PC: variants seen among roughly 807,000 people sequenced by gnomAD.
The protein encoded by PC is pyruvate carboxylase, mitochondrial.
Under a neutral mutation model 107.8 loss-of-function variants are expected in PC, and 46 were observed. That is an observed-to-expected ratio of 0.43 (90% CI 0.34 to 0.55). The LOEUF (loss-of-function observed/expected upper bound fraction) is 0.55, where lower values mean the gene tolerates loss of function less well. Ranked by LOEUF, PC falls within the 20% of genes least tolerant of loss-of-function variation. PC has a pLI of 0.04. For synonymous variants in PC, 662 were observed against 684.7 expected (o/e 0.97, Z 0.52); for missense variants, 1,241 against 1,643.1 (o/e 0.76, Z 4.23).
intron 3 of PC, among the ~76,000 whole-genome samples, chr11:66,878,055 C>T (rs568786661): frequency 6.6e-6 from 1 of 152,266 alleles, no homozygotes; most frequent in Admixed American, 6.5e-5. Flanking sequence ...AAGAGCTCCG[C>T]AGGAAAAGGC....
intron 12 of PC, among the ~76,000 whole-genome samples, chr11:66,854,146 A>G (rs542682411): frequency 6.6e-6 from 1 of 152,322 alleles, no homozygotes; most frequent in African/African-American, 2.4e-5. Context: ...AAGCCAGAGG[A>G]TTCGACCACG....
At chr11:66,933,114 C>T (rs947209929) in intron 3 of PC, among the ~76,000 whole-genome samples, 1 of 152,064 alleles carries the variant, frequency 6.6e-6, no homozygotes, top group African/African-American at 2.4e-5. Context: ...CCACCTATCC[C>T]GCCCTGGAAG....
intron 3 of PC, among the ~76,000 whole-genome samples, chr11:66,898,157 G>A (rs1303806926): frequency 1.3e-5 from 2 of 152,136 alleles, no homozygotes; most frequent in Admixed American, 6.6e-5. Flanking sequence ...TGGAGCTGGG[G>A]TCCTCCCATG....
chr11:66,873,464 TATATATAATATA>T (rs1229435183), intron 3 of PC, among the ~76,000 whole-genome samples: 2 of 83,332 alleles, frequency 2.4e-5, no homozygotes, highest in East Asian at 2.9e-4. Flanking sequence ...AAATATATAT[TATATATAATATA>T]ATATATAATA....
chr11:66,936,346 A>G (rs34469991), intron 3 of PC, among the ~76,000 whole-genome samples: 5,976 of 152,258 alleles, frequency 0.039, 160 homozygotes, highest in Non-Finnish European at 0.063. Context: ...TATTATCAAG[A>G]ACAGAACATC....
chr11:66,852,805 C>G lies in PC; in HGVS notation c.1545G>C (p.Pro515=). ...GGCTGGGGCTGGCCTTGACGGGAAT[C>G]GGGGTGGTTGGACCGTTTACCATGA... is the stretch of plus-strand genomic sequence containing the variant. ...GHVMVNGPTT[P]IPVKASPSPT... is the part of the protein sequence containing the mutation. The change falls in exon 14 of 23, where the codon CCG becomes CCC. Residue 515 remains proline (P), a synonymous_variant. Transcript: ENST00000393960. The surrounding 1 kb of genome is among the most constrained non-coding windows in gnomAD (Gnocchi z 4.7). 1 of 1,583,598 alleles carries G rather than the reference C, an allele frequency of 6.3e-7. No homozygotes were observed.
chr11:66,884,393 C>A (rs947772714), intron 3 of PC, among the ~76,000 whole-genome samples: 12 of 151,758 alleles, frequency 7.9e-5, no homozygotes, highest in African/African-American at 2.9e-4. Flanking sequence ...GCCTGGGCAA[C>A]AGAGCAAGAC....
intron 11 of PC, among the ~76,000 whole-genome samples, chr11:66,865,066 G>A (rs1034089807): frequency 1.3e-5 from 2 of 152,258 alleles, no homozygotes; most frequent in Non-Finnish European, 2.9e-5. Context: ...AAGTGGGGAT[G>A]GAGGGAGGCA....
Position 66,858,402 on chromosome 11 carries a change from G to T in PC, c.1369-5019C>A. 1 of 1,560,200 alleles carries T rather than the reference G, an allele frequency of 6.4e-7. No individual in the cohort carries two copies. On this transcript the variant is annotated intron_variant, in intron 12 of 22. Coordinates refer to ENST00000393960, the MANE Select transcript of PC (RefSeq NM_001040716.2). This position sits in a 1 kb window ranked among gnomAD's most constrained non-coding sequence, Gnocchi z 5.9. ...CCCGCTTTTCTCTCGTGGGCGTGAT[G>T]CAGAGGCCTCTCCCGCCCCCCTGGT...
At position 66,849,103 on chromosome 11, in the gene PC, C is replaced by T. The variant is rs759110508; in HGVS notation, c.3333G>A (p.Gln1111=). The change falls in exon 23 of 23, where the codon CAG becomes CAA. Residue 1111 remains glutamine (Q), a synonymous_variant. Transcript: ENST00000393960. ...HPKALKDVKG[Q]IGAPMPGKVI... The stretch of plus-strand genomic sequence containing the variant: ...CCTTCCCAGGCATGGGCGCCCCGAT[C>T]TGGCCCTTCACGTCCTTTAGGGCCT... The T allele has an allele frequency of 6.2e-7, 1 of 1,614,160 alleles. No homozygotes were observed. Among genetic ancestry groups the T allele is most frequent in the Non-Finnish European group, 8.5e-7 (1 of 1,180,046 alleles).
In PC at chr11:66,942,503, T is replaced by C. The variant is rs145136010; in HGVS notation, c.-1+9927A>G. Among the ~76,000 whole-genome samples the C allele has an allele frequency of 4.0e-3, 611 of 152,084 alleles. 4 individuals carry two copies. Among genetic ancestry groups the C allele is most frequent in the African/African-American group, 0.014 (586 of 41,480 alleles). The stretch of plus-strand genomic sequence containing the variant: ...CAGTCACAAAAAGACAAATACCGTA[T>C]GATTCCATTTATATGAGGTGCCTAG... On this transcript the variant is annotated intron_variant, in intron 3 of 22. Transcript: ENST00000393960.
At chr11:66,939,382 A>AG (rs11393123) in intron 3 of PC, among the ~76,000 whole-genome samples, 65,865 of 151,826 alleles carry the variant, frequency 0.43, 14,620 homozygotes, top group East Asian at 0.48. Context: ...TGGCATCCAT[A>AG]GGGGGGTCTT....
chr11:66,870,175 C>T lies in PC; in HGVS notation c.903+127G>A. On this transcript the variant is annotated intron_variant, in intron 9 of 22. Coordinates refer to ENST00000393960, the MANE Select transcript of PC (RefSeq NM_001040716.2). This position sits in a 1 kb window ranked among gnomAD's most constrained non-coding sequence, Gnocchi z 6.1. ...CTGGCCCCCAGGAGAGTCCTTCACC[C>T]TCTTCTCCCCATCCCCAGTCCCCAG... 2.5e-6 allele frequency: 3 copies of T among 1,193,600 alleles called. No homozygotes were observed. The highest frequency in any genetic ancestry group is 3.6e-6 in the Non-Finnish European group (3 of 827,936). 73.9% of individuals were successfully genotyped at this position (1,193,600 alleles called of 1,614,324 possible).
chr11:66,885,730 GCCAGGCAGGACC>G (rs60370841), intron 3 of PC, among the ~76,000 whole-genome samples: 4,179 of 152,258 alleles, frequency 0.027, 86 homozygotes, highest in African/African-American at 0.046. Flanking sequence ...GCTGGCAGTG[GCCAGGCAGGACC>G]CTCCCAGAGC....
chr11:66,871,392 C>A lies in PC; in HGVS notation c.410G>T (p.Arg137Leu), dbSNP rs772619045. 15 of 1,613,632 alleles carry A rather than the reference C, an allele frequency of 9.3e-6. No homozygotes were observed. In the Admixed American group the frequency reaches 2.5e-4, roughly 27 times the overall value. ...CACTTCTGGGCTTGGCCCAATAAAC[C>A]GGACCCCTGCATCCTGGCAGGCCTG... ...FAQACQDAGV[R>L]FIGPSPEVVR... Residue 137 changes from arginine to leucine, a missense_variant, in exon 6 of 23, where the codon CGG (arginine) becomes CTG (leucine). Coordinates refer to ENST00000393960, the MANE Select transcript of PC (RefSeq NM_001040716.2). This position sits in a 1 kb window ranked among gnomAD's most constrained non-coding sequence, Gnocchi z 7.4.
Position 66,869,081 on chromosome 11 carries a change from G to A in PC, c.904-117C>T, listed in dbSNP as rs1259977866. The A allele has an allele frequency of 3.9e-6, 3 of 772,276 alleles. No homozygotes were observed. In the African/African-American group the frequency reaches 5.1e-5, roughly 13 times the overall value. The allele number at this position is 772,276 out of a possible 1,614,324, so 47.8% of individuals were successfully genotyped here. ...GGTTGGTTCCGTAAAAGAATGGCCTGTGGCAAACCCTGCCCCCACAGATGG... is the reference window on the plus strand; with the variant it reads ...GGTTGGTTCCGTAAAAGAATGGCCTATGGCAAACCCTGCCCCCACAGATGG... On this transcript the variant is annotated intron_variant, in intron 9 of 22. Coordinates refer to ENST00000393960, the MANE Select transcript of PC (RefSeq NM_001040716.2).
At chr11:66,942,078 G>C (rs1279901270) in intron 3 of PC, among the ~76,000 whole-genome samples, 2 of 149,958 alleles carry the variant, frequency 1.3e-5, no homozygotes, top group Non-Finnish European at 3.0e-5. Context: ...CTCCAGCCTG[G>C]GCAACAAGAG....
At chr11:66,942,399 C>CAAA (rs577741732) in intron 3 of PC, among the ~76,000 whole-genome samples, 8 of 87,020 alleles carry the variant, frequency 9.2e-5, no homozygotes, top group African/African-American at 1.7e-4. Flanking sequence ...GACTCCATCT[C>CAAA]AAAAAAAAAA....
Position 66,852,403 on chromosome 11 carries a change from C to T in PC, c.1825+36G>A, listed in dbSNP as rs1945553586. The T allele has an allele frequency of 6.4e-7, 1 of 1,551,846 alleles. No individual in the cohort carries two copies. Among genetic ancestry groups the T allele is most frequent in the Non-Finnish European group, 8.9e-7 (1 of 1,123,768 alleles). ...TGGGACTGGCCACAGAGCGGGCGCC[C>T]ATTCCTACCAGGCGCTGCGCAGCAT... On this transcript the variant is annotated intron_variant, in intron 15 of 22. Coordinates refer to ENST00000393960, the MANE Select transcript of PC (RefSeq NM_001040716.2). This position sits in a 1 kb window ranked among gnomAD's most constrained non-coding sequence, Gnocchi z 4.7.
Sources: gnomAD v4.1 joint callset for allele counts (sites outside exome capture counted in the v4.1 genomes callset) on GRCh38, gnomAD v4.1.1 for gene constraint, Gnocchi (gnomAD v3.1) non-coding constraint, MANE v1.5 for transcripts, NCBI Gene and HGNC (gene_info 2026-07-23, HGNC 2026-07-21) for gene names.